Variants in SPON1 observed in about 807,000 individuals in gnomAD.
The protein encoded by SPON1 is spondin-1.
Under a neutral mutation model 111.7 loss-of-function variants are expected in SPON1, and 52 were observed. The ratio of observed to expected loss-of-function variants is 0.47; its 90% CI spans 0.37 to 0.59. The LOEUF is 0.59. SPON1 is among the 20% of genes least tolerant of loss of function. SPON1 has a pLI of 0.00. For missense variants in SPON1, 957 were observed against 1,068.5 expected (o/e 0.90, Z 1.46); for synonymous variants, 410 against 395.8 (o/e 1.04, Z -0.43).
At chr11:14,217,641 A>ATT (rs1172056141) in intron 6 of SPON1, among the ~76,000 whole-genome samples, 52 of 147,398 alleles carry the variant, frequency 3.5e-4, no homozygotes, top group African/African-American at 1.2e-3. Context: ...AAAAACATGG[A>ATT]TTTTTTTTTT....
intron 2 of SPON1, among the ~76,000 whole-genome samples, chr11:14,039,038 A>G (rs1554916973): frequency 6.6e-6 from 1 of 152,234 alleles, no homozygotes; most frequent in Non-Finnish European, 1.5e-5. Context: ...CTATTAAGTC[A>G]TGAAAATACA....
chr11:14,262,806 G>A lies in SPON1; in HGVS notation c.2091G>A (p.Met697Ile). ...TGATTCGAACCCGGATGATCCAAAT[G>A]GAGCCTCAGTTTGGAGGTGCACCCT... Reference protein sequence around the residue: ...GHVIRTRMIQMEPQFGGAPCP... With the variant: ...GHVIRTRMIQIEPQFGGAPCP... Residue 697 changes from methionine (M) to isoleucine (I), a missense_variant, in exon 15 of 16, where the codon ATG (methionine) becomes ATA (isoleucine). Physicochemically the swap from Met to Ile is conservative, Grantham distance 10 (BLOSUM62 1). This residue lies in a region of SPON1 where 549 missense variants were observed against 606.2 expected (regional missense o/e 0.91). Coordinates refer to ENST00000576479, the MANE Select transcript of SPON1 (RefSeq NM_006108.4). 1 of 1,613,960 alleles carries A rather than the reference G, an allele frequency of 6.2e-7. No homozygotes were observed. The highest frequency in any genetic ancestry group is 1.6e-4 in the Middle Eastern group (1 of 6,062).
rs559275566 is a variant in SPON1 at position 14,133,439 on chromosome 11, G to T, written c.677-1981G>T. Among the ~76,000 whole-genome samples, 3 of 152,352 alleles carry T rather than the reference G, an allele frequency of 2.0e-5. No homozygotes were observed. The South Asian group carries it at 6.2e-4, about 32-fold the overall frequency. On this transcript the variant is annotated intron_variant, in intron 5 of 15. Transcript: ENST00000576479. Reference sequence around the variant, plus strand: ...AGAAGACAAAAGTTTAGGTTGGCTTGTGGTGGTCTTGAGTAACTTCTGAGT... The same window carrying T: ...AGAAGACAAAAGTTTAGGTTGGCTTTTGGTGGTCTTGAGTAACTTCTGAGT...
chr11:14,189,551 C>T (rs868912146), intron 6 of SPON1, among the ~76,000 whole-genome samples: 22 of 152,312 alleles, frequency 1.4e-4, no homozygotes, highest in Admixed American at 8.5e-4. Context: ...ACAGCTCTCT[C>T]TCTGTCTCCC....
intron 3 of SPON1, among the ~76,000 whole-genome samples, chr11:14,051,809 C>T (rs1554918626): frequency 6.6e-6 from 1 of 152,144 alleles, no homozygotes; most frequent in Non-Finnish European, 1.5e-5. Flanking sequence ...TAATAAGTAG[C>T]TTATATTTAT....
chr11:13,968,733 G>T (rs1528658), intron 1 of SPON1, among the ~76,000 whole-genome samples: 31,368 of 151,920 alleles, frequency 0.21, 3,278 homozygotes, highest in Admixed American at 0.24. Flanking sequence ...CAGTGGACTG[G>T]GGGGAGAGGA....
chr11:14,085,412 C>G (rs1554922482), intron 5 of SPON1, among the ~76,000 whole-genome samples: 1 of 152,078 alleles, frequency 6.6e-6, no homozygotes, highest in African/African-American at 2.4e-5. Flanking sequence ...GAATCCTTTC[C>G]CCACTGCTTT....
chr11:14,069,585 C>G (rs528390454), intron 3 of SPON1, among the ~76,000 whole-genome samples: 35 of 152,226 alleles, frequency 2.3e-4, no homozygotes, highest in Non-Finnish European at 4.4e-4. Context: ...CTGTTTATCT[C>G]TTTTCACCCA....
chr11:13,972,996 G>A (rs1202200386), intron 1 of SPON1, among the ~76,000 whole-genome samples: 2 of 151,668 alleles, frequency 1.3e-5, no homozygotes, highest in East Asian at 1.9e-4. Flanking sequence ...TTTGTCCCTC[G>A]CTTCTACCTT....
intron 5 of SPON1, among the ~76,000 whole-genome samples, chr11:14,088,528 G>T (rs1341565492): frequency 1.3e-5 from 2 of 152,030 alleles, no homozygotes; most frequent in East Asian, 3.9e-4. Context: ...TTCCCTTTGT[G>T]GGTAACCTGA....
intron 2 of SPON1, among the ~76,000 whole-genome samples, chr11:14,033,781 G>C (rs1421183550): frequency 6.6e-6 from 1 of 152,098 alleles, no homozygotes; most frequent in East Asian, 1.9e-4. Context: ...ACAAGTATTG[G>C]GGAAATCAAA....
chr11:14,104,377 T>C (rs961356333), intron 5 of SPON1, among the ~76,000 whole-genome samples: 6 of 152,006 alleles, frequency 3.9e-5, no homozygotes, highest in African/African-American at 1.4e-4. Context: ...ATATACACAA[T>C]TAATTTGTTT....
chr11:14,222,987 G>T (rs1454553133), intron 6 of SPON1, among the ~76,000 whole-genome samples: 1 of 152,168 alleles, frequency 6.6e-6, no homozygotes, highest in Non-Finnish European at 1.5e-5. Context: ...AAACAGAGGG[G>T]TCTCTCTCAG....
At chr11:14,039,575 A>G (rs1848618298) in intron 2 of SPON1, among the ~76,000 whole-genome samples, 1 of 152,284 alleles carries the variant, frequency 6.6e-6, no homozygotes, top group East Asian at 1.9e-4. Flanking sequence ...CTACTCTATC[A>G]TATTAAAAAA....
At chr11:14,242,788 C>T (rs578161923) in intron 6 of SPON1, among the ~76,000 whole-genome samples, 2 of 152,344 alleles carry the variant, frequency 1.3e-5, no homozygotes, top group East Asian at 3.9e-4. Context: ...AGCCAGAGAA[C>T]CTGAGGGGCA....
intron 5 of SPON1, among the ~76,000 whole-genome samples, chr11:14,110,296 T>G (rs1849217665): frequency 6.6e-6 from 1 of 152,206 alleles, no homozygotes; most frequent in Non-Finnish European, 1.5e-5. Context: ...ATTTTATCTC[T>G]TCCTTTATAA....
At chr11:14,063,221 AC>A (rs1367850511) in intron 3 of SPON1, among the ~76,000 whole-genome samples, 1 of 152,046 alleles carries the variant, frequency 6.6e-6, no homozygotes, top group Admixed American at 6.6e-5. Context: ...AATTTGCAGT[AC>A]CTTGTTTCAC....
intron 2 of SPON1, among the ~76,000 whole-genome samples, chr11:14,002,568 G>T (rs58334295): frequency 0.018 from 2,776 of 152,288 alleles, 87 homozygotes; most frequent in African/African-American, 0.063. Context: ...GAGTCCATGA[G>T]AGATGGATGG....
chr11:14,194,858 T>C (rs373775916), intron 6 of SPON1, among the ~76,000 whole-genome samples: 1 of 152,230 alleles, frequency 6.6e-6, no homozygotes, highest in East Asian at 1.9e-4. Context: ...GAGGAAATCC[T>C]AAATTTAAAG....
Sources: gnomAD v4.1 joint callset for allele counts (sites outside exome capture counted in the v4.1 genomes callset) on GRCh38, gnomAD v4.1.1 for gene constraint, gnomAD v4.1.1 regional missense constraint, MANE v1.5 for transcripts, NCBI Gene and HGNC (gene_info 2026-07-23, HGNC 2026-07-21) for gene names.